Variants in PCDH11X observed in about 807,000 individuals in gnomAD.
PCDH11X encodes the protein protocadherin-11 X-linked.
PCDH11X carries 18 observed loss-of-function variants against 53.3 expected under a neutral mutation model. That is an observed-to-expected ratio of 0.34 (90% CI 0.23 to 0.50). PCDH11X has a LOEUF of 0.50. Among genes scored for constraint, PCDH11X ranks in the 20% least tolerant of loss-of-function variants. The pLI is 0.98. For missense variants in PCDH11X, 570 were observed against 1,032.4 expected, an observed-to-expected ratio of 0.55 and a Z score of 6.14; for synonymous variants, 279 against 393.3, an observed-to-expected ratio of 0.71 and a Z score of 3.44.
intron 6 of PCDH11X, among the ~76,000 whole-genome samples, chrX:92,010,873 T>G (rs2062679074): frequency 9.1e-6 from 1 of 110,444 alleles, no homozygotes; most frequent in African/African-American, 3.3e-5. Flanking sequence ...CTCACTCTCC[T>G]CCTACCCTCC....
chrX:92,198,117 C>T (rs969123808), intron 6 of PCDH11X, among the ~76,000 whole-genome samples: 1 of 107,979 alleles, frequency 9.3e-6, no homozygotes, highest in African/African-American at 3.4e-5. Context: ...AACCAGGAGC[C>T]GGGTGAGATG....
intron 10 of PCDH11X, among the ~76,000 whole-genome samples, chrX:92,594,329 A>G (rs1925344015): frequency 9.0e-6 from 1 of 111,229 alleles, no homozygotes; most frequent in Admixed American, 9.6e-5. Flanking sequence ...TAAATACTCT[A>G]AAGTCCAAAA....
At chrX:92,085,652 C>T (rs959195571) in intron 6 of PCDH11X, among the ~76,000 whole-genome samples, 11 of 109,773 alleles carry the variant, frequency 1.0e-4, no homozygotes, top group African/African-American at 3.3e-4. Flanking sequence ...TACCATCTGG[C>T]GTATTGAGAC....
chrX:92,435,486 A>G (rs1387058364), intron 9 of PCDH11X, among the ~76,000 whole-genome samples: 6 of 111,147 alleles, frequency 5.4e-5, no homozygotes, highest in Admixed American at 3.8e-4. Flanking sequence ...AAACATAATC[A>G]TCAAAATTTC....
At chrX:92,615,073 A>G (rs1031154158) in intron 10 of PCDH11X, among the ~76,000 whole-genome samples, 1 of 111,513 alleles carries the variant, frequency 9.0e-6, no homozygotes, top group Non-Finnish European at 1.9e-5. Context: ...TGCTCAGGCT[A>G]CTAGTCCATG....
intron 10 of PCDH11X, among the ~76,000 whole-genome samples, chrX:92,549,461 T>G (rs903905025): frequency 1.8e-5 from 2 of 109,310 alleles, no homozygotes; most frequent in African/African-American, 3.3e-5. Context: ...TTTCTTTATG[T>G]GTGTAAATGA....
intron 8 of PCDH11X, among the ~76,000 whole-genome samples, chrX:92,325,161 T>C (rs2069300471): frequency 9.0e-6 from 1 of 110,615 alleles, no homozygotes; most frequent in African/African-American, 3.3e-5. Context: ...AGATAACTCG[T>C]TGAGAAGGAT....
chrX:92,331,192 T>C (rs2069457273), intron 8 of PCDH11X, among the ~76,000 whole-genome samples: 1 of 110,037 alleles, frequency 9.1e-6, no homozygotes, highest in Non-Finnish European at 1.9e-5. Context: ...TCTGAATCCC[T>C]TGCAAAACAG....
At chrX:92,594,881 T>G (rs1602409400) in intron 10 of PCDH11X, among the ~76,000 whole-genome samples, 1 of 109,583 alleles carries the variant, frequency 9.1e-6, no homozygotes, top group Admixed American at 9.8e-5. Flanking sequence ...GCAAACCTTT[T>G]TTTTTTCTTT....
intron 6 of PCDH11X, among the ~76,000 whole-genome samples, chrX:92,162,077 G>A (rs1255895445): frequency 1.2e-5 from 1 of 83,350 alleles, no homozygotes; most frequent in African/African-American, 4.7e-5. Context: ...GTGATTTTTG[G>A]GGGAGTGTTA....
chrX:92,082,858 TA>T lies in PCDH11X; in HGVS notation c.3034-118510del, dbSNP rs35119521. Among the ~76,000 whole-genome samples, 3 of 103,398 alleles carry T rather than the reference TA, an allele frequency of 2.9e-5. No homozygotes were observed. The South Asian group carries it at 1.3e-3, about 45-fold the overall frequency. The allele number at this position is 103,398 out of a possible 115,157, so 89.8% of individuals were successfully genotyped here. ...TTTCCAACTGTTGCTTCATTCACCTTAAAAAAATAAGTATTAATTCTACAAA... is the reference window on the plus strand; with the variant it reads ...TTTCCAACTGTTGCTTCATTCACCTTAAAAAATAAGTATTAATTCTACAAA... On this transcript the variant is annotated intron_variant, in intron 6 of 10. Transcript: ENST00000682573.
intron 10 of PCDH11X, among the ~76,000 whole-genome samples, chrX:92,492,214 C>T (rs1049545599): frequency 4.0e-4 from 45 of 111,803 alleles, no homozygotes; most frequent in African/African-American, 1.5e-3. Context: ...TGCTAATTGG[C>T]TCTGAGCCTC....
Position 91,923,119 on chromosome X carries a change from T to A in PCDH11X, c.3033+43846T>A, listed in dbSNP as rs771953053. On this transcript the variant is annotated intron_variant, in intron 6 of 10. Coordinates refer to ENST00000682573, the MANE Select transcript of PCDH11X (RefSeq NM_032968.5). ...TCTAGTTATACGAAGGATAGCTGTA[T>A]GTTAGGCATAATTATGACCTCATTA... Among the ~76,000 whole-genome samples the A allele has an allele frequency of 2.8e-5, 3 of 107,487 alleles. No individual in the cohort carries two copies. In the South Asian group the frequency reaches 1.3e-3, roughly 46 times the overall value. 93.3% of individuals were successfully genotyped at this position (107,487 alleles called of 115,157 possible). A position where few individuals can be genotyped will look rare whatever the true frequency, so the allele number is the denominator to read the frequency against.
intron 6 of PCDH11X, among the ~76,000 whole-genome samples, chrX:91,960,276 T>G (rs2061768688): frequency 9.0e-6 from 1 of 110,913 alleles, no homozygotes; most frequent in South Asian, 3.8e-4. Flanking sequence ...TTTAGTTTAA[T>G]GCAATTCCAC....
intron 9 of PCDH11X, among the ~76,000 whole-genome samples, chrX:92,452,092 TAGAG>T (rs749519643): frequency 5.5e-5 from 6 of 109,375 alleles, no homozygotes; most frequent in African/African-American, 2.0e-4. Flanking sequence ...ATTATGTCGA[TAGAG>T]AGAGAGATGT....
chrX:91,869,966 G>T (rs1409307155), intron 5 of PCDH11X, among the ~76,000 whole-genome samples: 3 of 111,755 alleles, frequency 2.7e-5, no homozygotes, highest in Non-Finnish European at 5.7e-5. Context: ...AAAATGATTG[G>T]TTCCTCCTAG....
In PCDH11X at chrX:92,622,989, A is replaced by AAAT. The variant is rs1332894105; in HGVS notation, c.*4051_*4053dup. 2 of 110,638 alleles carry AAAT rather than the reference A, an allele frequency of 1.8e-5. No individual in the cohort carries two copies. The highest frequency in any genetic ancestry group is 1.9e-4 in the Admixed American group (2 of 10,273). 9.1% of individuals were successfully genotyped at this position (110,638 alleles called of 1,213,427 possible). A position where few individuals can be genotyped will look rare whatever the true frequency, so the allele number is the denominator to read the frequency against. On this transcript the variant is annotated 3_prime_UTR_variant, in exon 11 of 11. Coordinates refer to ENST00000682573, the MANE Select transcript of PCDH11X (RefSeq NM_032968.5). ...TGCTTAAAATATTAAGATTTTTATG[A>AAAT]AATATGTATTTATGTTTGTATTGTG...
At chrX:92,536,112 G>C (rs756808065) in intron 10 of PCDH11X, among the ~76,000 whole-genome samples, 4 of 108,012 alleles carry the variant, frequency 3.7e-5, no homozygotes, top group African/African-American at 1.4e-4. Flanking sequence ...TTTTTTCTCT[G>C]TTTTGTCTGA....
intron 6 of PCDH11X, among the ~76,000 whole-genome samples, chrX:92,186,185 A>G (rs774084665): frequency 2.0e-4 from 22 of 112,290 alleles, no homozygotes; most frequent in Non-Finnish European, 7.5e-5. Flanking sequence ...ATAAAAATGA[A>G]TGAAATCCTA....
Sources: allele counts gnomAD v4.1 joint callset (sites outside exome capture counted in the v4.1 genomes callset), GRCh38; gene constraint gnomAD v4.1.1; transcripts MANE v1.5; gene names NCBI Gene and HGNC (gene_info 2026-07-23, HGNC 2026-07-21).